Variants in ASIC2 observed in about 807,000 individuals in gnomAD.
The protein encoded by ASIC2 is acid sensing ion channel subunit 2.
A neutral mutation model predicts 57.3 loss-of-function variants in ASIC2; 25 were observed. The observed-to-expected ratio is 0.44, with a 90% CI of 0.32 to 0.61. The LOEUF is 0.61. Among genes scored for constraint, ASIC2 ranks in the 20% least tolerant of loss-of-function variants. ASIC2 has a pLI of 0.06. For synonymous variants in ASIC2, 319 were observed against 307.5 expected, an observed-to-expected ratio of 1.04 and a Z score of -0.39; for missense variants, 641 against 738.1, an observed-to-expected ratio of 0.87 and a Z score of 1.52.
At chr17:33,821,786 A>G (rs562334210) in intron 1 of ASIC2, among the ~76,000 whole-genome samples, 56 of 152,346 alleles carry the variant, frequency 3.7e-4, no homozygotes, top group African/African-American at 1.2e-3. Flanking sequence ...GACAGCCCTG[A>G]TTAAGTTCAC....
In ASIC2 at chr17:34,099,132, GAGAGAGAGAGAGAC is replaced by G. The variant is rs1449622339; in HGVS notation, c.555+56832_555+56845del. ...AGAGAGAGAGAGAGAGAGAGAGAGA[GAGAGAGAGAGAGAC>G]AGAGAGAGAGAGAGAGAGAAAGAAA... On this transcript the variant is annotated intron_variant, in intron 1 of 9. Coordinates refer to the ASIC2 transcript ENST00000359872. 5.2e-3 allele frequency among the ~76,000 whole-genome samples: 168 copies of G among 32,466 alleles called. 3 individuals are homozygous for G. Among genetic ancestry groups the G allele is most frequent in the African/African-American group, 0.016 (161 of 10,026 alleles). 21.3% of individuals were successfully genotyped at this position (32,466 alleles called of 152,430 possible).
chr17:33,256,364 A>G (rs1156661584), intron 1 of ASIC2, among the ~76,000 whole-genome samples: 1 of 152,260 alleles, frequency 6.6e-6, no homozygotes, highest in African/African-American at 2.4e-5. Context: ...AAGAAAAAAA[A>G]GATATGCTAG....
At chr17:33,084,747 A>T (rs917379254) in intron 3 of ASIC2, among the ~76,000 whole-genome samples, 1 of 152,044 alleles carries the variant, frequency 6.6e-6, no homozygotes, top group Admixed American at 6.5e-5. Flanking sequence ...TTCTCCTTCC[A>T]GCATATTATC....
At chr17:33,452,411 G>A (rs989100621) in intron 1 of ASIC2, among the ~76,000 whole-genome samples, 12 of 152,348 alleles carry the variant, frequency 7.9e-5, no homozygotes, top group African/African-American at 2.9e-4. Flanking sequence ...AGCATAGTCA[G>A]GAGTGCTTAG....
At chr17:33,579,392 A>C (rs1342741278) in intron 1 of ASIC2, among the ~76,000 whole-genome samples, 2 of 151,834 alleles carry the variant, frequency 1.3e-5, no homozygotes, top group Non-Finnish European at 2.9e-5. Context: ...ACTCCGCCTC[A>C]TTATTCTGGA....
intron 1 of ASIC2, among the ~76,000 whole-genome samples, chr17:34,042,502 A>G (rs565887043): frequency 1.3e-5 from 2 of 152,298 alleles, no homozygotes; most frequent in South Asian, 4.1e-4. Context: ...GAAAATGCAA[A>G]TTAGTATCTA....
chr17:33,849,363 C>A (rs77886499), intron 1 of ASIC2, among the ~76,000 whole-genome samples: 39 of 152,250 alleles, frequency 2.6e-4, no homozygotes, highest in African/African-American at 9.4e-4. Context: ...CACCAGGGCC[C>A]TAAGAGGTAC....
At chr17:33,444,547 C>T (rs1911943590) in intron 1 of ASIC2, among the ~76,000 whole-genome samples, 1 of 152,152 alleles carries the variant, frequency 6.6e-6, no homozygotes, top group South Asian at 2.1e-4. Flanking sequence ...TAACAGCCGC[C>T]ATTTCCATGA....
intron 3 of ASIC2, among the ~76,000 whole-genome samples, chr17:33,054,936 C>A (rs144876565): frequency 1.5e-4 from 23 of 152,278 alleles, no homozygotes; most frequent in African/African-American, 5.3e-4. Flanking sequence ...ACGCCATTAG[C>A]AGGTTCAAGG....
intron 1 of ASIC2, among the ~76,000 whole-genome samples, chr17:34,055,391 T>G (rs1908729300): frequency 6.6e-6 from 1 of 152,220 alleles, no homozygotes; most frequent in Non-Finnish European, 1.5e-5. Flanking sequence ...GCCCTCCCAC[T>G]TGTTTACTGT....
chr17:33,809,347 TG>T (rs1391120977), intron 1 of ASIC2, among the ~76,000 whole-genome samples: 4 of 152,214 alleles, frequency 2.6e-5, no homozygotes, highest in African/African-American at 9.6e-5. Context: ...AGGTAGTGGT[TG>T]CTTCAGGACC....
intron 1 of ASIC2, among the ~76,000 whole-genome samples, chr17:33,270,385 C>T (rs1046201276): frequency 2.0e-5 from 3 of 152,180 alleles, no homozygotes; most frequent in Non-Finnish European, 4.4e-5. Context: ...TTGGACTAGA[C>T]CTGCACCCCC....
chr17:33,088,722 T>G (rs2092145490), intron 3 of ASIC2, 141 bp downstream of exon 3: 1 of 1,234,890 alleles, frequency 8.1e-7, no homozygotes, highest in South Asian at 2.0e-5. Flanking sequence ...GGAGAACTGG[T>G]GACGAAGGTT....
intron 1 of ASIC2, among the ~76,000 whole-genome samples, chr17:33,846,266 ATT>A (rs1229842571): frequency 6.6e-6 from 1 of 152,126 alleles, no homozygotes; most frequent in Non-Finnish European, 1.5e-5. Flanking sequence ...GTGAGAGGAA[ATT>A]CAGCTGACAG....
chr17:33,642,215 C>G (rs1165091658), intron 1 of ASIC2, among the ~76,000 whole-genome samples: 3 of 149,766 alleles, frequency 2.0e-5, no homozygotes, highest in Non-Finnish European at 3.0e-5. Flanking sequence ...ACACCCCCCC[C>G]CCCCCCACAC....
intron 1 of ASIC2, among the ~76,000 whole-genome samples, chr17:33,873,601 T>C (rs1313152112): frequency 6.6e-6 from 1 of 152,156 alleles, no homozygotes; most frequent in African/African-American, 2.4e-5. Context: ...TCTGTAAAAA[T>C]TGGGTAATAA....
intron 1 of ASIC2, among the ~76,000 whole-genome samples, chr17:33,730,397 G>A (rs922566918): frequency 6.6e-6 from 1 of 152,178 alleles, no homozygotes; most frequent in African/African-American, 2.4e-5. Context: ...GCGAGTTACT[G>A]AGAAGTCAGA....
chr17:33,257,626 T>C (rs1909127434), intron 1 of ASIC2, among the ~76,000 whole-genome samples: 1 of 152,228 alleles, frequency 6.6e-6, no homozygotes, highest in Non-Finnish European at 1.5e-5. Context: ...GATTGGATGA[T>C]GGCTGAGAGT....
chr17:33,282,364 A>G (rs1188312193), intron 1 of ASIC2, among the ~76,000 whole-genome samples: 1 of 152,120 alleles, frequency 6.6e-6, no homozygotes, highest in African/African-American at 2.4e-5. Context: ...TCTAGAGGCC[A>G]TCCATCTTCC....
Sources: allele counts gnomAD v4.1 joint callset (sites outside exome capture counted in the v4.1 genomes callset), GRCh38; gene constraint gnomAD v4.1.1; transcripts MANE v1.5; gene names NCBI Gene and HGNC (gene_info 2026-07-23, HGNC 2026-07-21).